Variants in SORCS3 observed in about 807,000 individuals in gnomAD.
The protein encoded by SORCS3 is sortilin related VPS10 domain containing receptor 3, also known as VPS10 domain-containing receptor SorCS3.
Under a neutral mutation model 146.3 loss-of-function variants are expected in SORCS3, and 57 were observed. The observed-to-expected ratio is 0.39, with a 90% CI of 0.31 to 0.49. The LOEUF is 0.49. Among genes scored for constraint, SORCS3 ranks in the 20% least tolerant of loss-of-function variants. The probability of loss-of-function intolerance (pLI) is 0.92; values close to 1 mark genes in which losing one functional copy is unlikely to be tolerated. For missense variants in SORCS3, 1,341 were observed against 1,575.5 expected, an observed-to-expected ratio of 0.85 and a Z score of 2.52; for synonymous variants, 653 against 618.5, an observed-to-expected ratio of 1.06 and a Z score of -0.83.
At chr10:104,682,114 C>A (rs2015984716) in intron 1 of SORCS3, among the ~76,000 whole-genome samples, 1 of 152,176 alleles carries the variant, frequency 6.6e-6, no homozygotes, top group Non-Finnish European at 1.5e-5. Context: ...GGAAACTTAG[C>A]AAGGCAAGGT....
At chr10:104,912,502 G>A (rs116501109) in intron 2 of SORCS3, among the ~76,000 whole-genome samples, 9 of 152,284 alleles carry the variant, frequency 5.9e-5, no homozygotes, top group South Asian at 2.1e-4. Context: ...AGACTGTACC[G>A]TCTGCACTGT....
intron 3 of SORCS3, among the ~76,000 whole-genome samples, chr10:104,931,331 G>T (rs191423716): frequency 6.6e-6 from 1 of 152,304 alleles, no homozygotes; most frequent in East Asian, 1.9e-4. Context: ...AGCTACAGAA[G>T]ACCCTGACAT....
At chr10:105,094,795 C>T (rs2055734234) in intron 6 of SORCS3, among the ~76,000 whole-genome samples, 1 of 152,186 alleles carries the variant, frequency 6.6e-6, no homozygotes, top group Non-Finnish European at 1.5e-5. Context: ...ATTATCTGAG[C>T]ATTCTGGATA....
chr10:104,944,579 CTT>C (rs1234446764), intron 3 of SORCS3, among the ~76,000 whole-genome samples: 1 of 152,158 alleles, frequency 6.6e-6, no homozygotes, highest in Non-Finnish European at 1.5e-5. Flanking sequence ...CAGAAGGTAT[CTT>C]AATGAGCAAT....
At position 105,003,184 on chromosome 10, in the gene SORCS3, T is replaced by C. The variant is rs1211859153; in HGVS notation, c.954+25691T>C. Among the ~76,000 whole-genome samples, 5 of 152,218 alleles carry C rather than the reference T, an allele frequency of 3.3e-5. No homozygotes were observed. The East Asian group carries it at 7.7e-4, about 23-fold the overall frequency. On this transcript the variant is annotated intron_variant, in intron 4 of 26. Coordinates refer to ENST00000369701, the MANE Select transcript of SORCS3 (RefSeq NM_014978.3). Reference sequence around the variant, plus strand: ...ATCATTTACTCCACTAAGATTGTAATATCTGCCTGGCATGGAGTGAAAGCT... The same window carrying C: ...ATCATTTACTCCACTAAGATTGTAACATCTGCCTGGCATGGAGTGAAAGCT...
chr10:104,705,363 A>G (rs1486150179), intron 1 of SORCS3, among the ~76,000 whole-genome samples: 1 of 151,942 alleles, frequency 6.6e-6, no homozygotes, highest in Non-Finnish European at 1.5e-5. Flanking sequence ...CCAACTGGGA[A>G]AGCAATTTAA....
At chr10:105,035,418 G>T (rs988445896) in intron 4 of SORCS3, among the ~76,000 whole-genome samples, 2 of 151,532 alleles carry the variant, frequency 1.3e-5, no homozygotes, top group African/African-American at 4.8e-5. Context: ...TTTAAATTTA[G>T]TCTTGTTTTG....
chr10:104,694,628 C>T (rs2016152297), intron 1 of SORCS3, among the ~76,000 whole-genome samples: 1 of 152,138 alleles, frequency 6.6e-6, no homozygotes, highest in African/African-American at 2.4e-5. Context: ...GCCTGGCCAT[C>T]TTGTCTCAAG....
rs1382843099 is a variant in SORCS3 at position 105,217,213 on chromosome 10, G to T, written c.2734+91G>T. ...TCCTAAAATTCAGAGCTGAGCCCAG[G>T]TTCAGTGTGACTACTACAATTACCC... On this transcript the variant is annotated intron_variant, in intron 19 of 26. Transcript: ENST00000369701. 3.0e-6 allele frequency: 4 copies of T among 1,327,766 alleles called. No homozygotes were observed. In the Admixed American group the frequency reaches 7.1e-5, roughly 24 times the overall value. The allele number at this position is 1,327,766 out of a possible 1,614,324, so 82.2% of individuals were successfully genotyped here.
Position 104,783,724 on chromosome 10 carries a change from C to T in SORCS3, c.628-59068C>T, listed in dbSNP as rs146885738. Among the ~76,000 whole-genome samples, 100 of 152,020 alleles carry T rather than the reference C, an allele frequency of 6.6e-4. 1 individual carries two copies. Among genetic ancestry groups the T allele is most frequent in the African/African-American group, 2.2e-3 (92 of 41,458 alleles). Reference sequence around the variant, plus strand: ...CCTGGGCAACAGTGCGAGACTCCGTCTCAAAAAAGAGAGAGAGAGAGAAAA... The same window carrying T: ...CCTGGGCAACAGTGCGAGACTCCGTTTCAAAAAAGAGAGAGAGAGAGAAAA... On this transcript the variant is annotated intron_variant, in intron 1 of 26. Coordinates refer to ENST00000369701, the MANE Select transcript of SORCS3 (RefSeq NM_014978.3).
intron 7 of SORCS3, among the ~76,000 whole-genome samples, chr10:105,123,803 T>C (rs2055953310): frequency 6.6e-6 from 1 of 152,336 alleles, no homozygotes; most frequent in South Asian, 2.1e-4. Flanking sequence ...CAAATATTTC[T>C]TGAGCTACTG....
rs1285215828 is a variant in SORCS3 at position 105,255,813 on chromosome 10, T to G, written c.3337+12T>G. Reference sequence around the variant, plus strand: ...ACAGCTGACGTTAGGTGAGTGCCACTGGGAACTGGGGAAATGGGAAAGAGG... The same window carrying G: ...ACAGCTGACGTTAGGTGAGTGCCACGGGGAACTGGGGAAATGGGAAAGAGG... On this transcript the variant is annotated intron_variant, in intron 24 of 26. Transcript: ENST00000369701. The G allele has an allele frequency of 1.3e-6, 2 of 1,588,326 alleles. No homozygotes were observed. The highest frequency in any genetic ancestry group is 2.2e-5 in the East Asian group (1 of 44,752).
chr10:105,237,393 C>T (rs2056798774), intron 20 of SORCS3, among the ~76,000 whole-genome samples: 1 of 152,170 alleles, frequency 6.6e-6, no homozygotes, highest in South Asian at 2.1e-4. Flanking sequence ...GTTTAGAACA[C>T]ATCCGAGCAT....
intron 2 of SORCS3, among the ~76,000 whole-genome samples, chr10:104,887,959 C>T (rs1463321760): frequency 0.027 from 181 of 6,592 alleles, 4 homozygotes; most frequent in African/African-American, 0.12. Context: ...ATGGTGGGGG[C>T]GGGGGGGCGG....
intron 8 of SORCS3, among the ~76,000 whole-genome samples, chr10:105,142,353 T>C (rs997916221): frequency 2.6e-5 from 4 of 152,164 alleles, no homozygotes; most frequent in Non-Finnish European, 5.9e-5. Flanking sequence ...CCTCTCTCCA[T>C]ATGACTTGAC....
intron 19 of SORCS3, chr10:105,217,845 A>G (rs966601037): frequency 2.2e-6 from 1 of 453,940 alleles, no homozygotes; most frequent in East Asian, 6.9e-5. Flanking sequence ...TGATTTTAGG[A>G]TGTCGGGTCG....
At chr10:105,112,793 C>A (rs191351689) in intron 7 of SORCS3, among the ~76,000 whole-genome samples, 3 of 152,288 alleles carry the variant, frequency 2.0e-5, no homozygotes, top group Admixed American at 1.3e-4. Flanking sequence ...TTTATTCCTA[C>A]TATTTAAGCA....
intron 3 of SORCS3, among the ~76,000 whole-genome samples, chr10:104,934,836 CTG>C (rs2019243831): frequency 6.6e-6 from 1 of 152,334 alleles, no homozygotes; most frequent in Admixed American, 6.5e-5. Context: ...TTAATACTAT[CTG>C]TGAAAACAGT....
chr10:105,176,862 A>AAACT (rs2056408847), intron 13 of SORCS3, among the ~76,000 whole-genome samples: 1 of 151,500 alleles, frequency 6.6e-6, no homozygotes, highest in Non-Finnish European at 1.5e-5. Flanking sequence ...TCAAACAAAC[A>AAACT]AACAAACAAA....
Sources: allele counts gnomAD v4.1 joint callset (sites outside exome capture counted in the v4.1 genomes callset), GRCh38; gene constraint gnomAD v4.1.1; transcripts MANE v1.5; gene names NCBI Gene and HGNC (gene_info 2026-07-23, HGNC 2026-07-21).